Variants in RAB31 observed in about 807,000 individuals in gnomAD.
RAB31 encodes the protein RAB31, member RAS oncogene family.
A neutral mutation model predicts 25.6 loss-of-function variants in RAB31; 21 were observed. The ratio of observed to expected loss-of-function variants is 0.82; its 90% confidence interval spans 0.58 to 1.18. RAB31 has a LOEUF of 1.18. Ranked by LOEUF, RAB31 falls within the 50% of genes most tolerant of loss-of-function variation. The probability of loss-of-function intolerance (pLI) is 0.00; values close to 1 mark genes in which losing one functional copy is unlikely to be tolerated. For missense variants in RAB31, 196 were observed against 250.1 expected (o/e 0.78, Z 1.46); for synonymous variants, 87 against 84.0 (o/e 1.04, Z -0.20).
In RAB31 at chr18:9,833,725, C is replaced by G. The variant is rs76283553; in HGVS notation, c.381-11857C>G. 1.8e-3 allele frequency among the ~76,000 whole-genome samples: 278 copies of G among 152,310 alleles called. 2 individuals are homozygous for G. Among genetic ancestry groups the G allele is most frequent in the Non-Finnish European group, 3.1e-3 (212 of 68,024 alleles). ...TTTAGAAAAAGGGCCTCTCTTACCTCAACATCATTGTGTTCGTTATGGATA... is the reference window on the plus strand; with the variant it reads ...TTTAGAAAAAGGGCCTCTCTTACCTGAACATCATTGTGTTCGTTATGGATA... On this transcript the variant is annotated intron_variant, in intron 5 of 6. Transcript: ENST00000578921.
chr18:9,772,327 G>T (rs2068349424), intron 1 of RAB31, among the ~76,000 whole-genome samples: 1 of 152,156 alleles, frequency 6.6e-6, no homozygotes. Context: ...AACCAGGCGA[G>T]GTTTGTCACT....
At chr18:9,816,991 A>G (rs1278756825) in intron 5 of RAB31, among the ~76,000 whole-genome samples, 1 of 152,230 alleles carries the variant, frequency 6.6e-6, no homozygotes, top group Non-Finnish European at 1.5e-5. Context: ...GTTTGCATCA[A>G]CTTGCATCTG....
At chr18:9,767,622 T>C (rs139458579) in intron 1 of RAB31, among the ~76,000 whole-genome samples, 143 of 152,324 alleles carry the variant, frequency 9.4e-4, no homozygotes, top group African/African-American at 3.2e-3. Context: ...AATAAGATAA[T>C]GTGTCTTGAA....
chr18:9,741,376 CAAA>C (rs71169903), intron 1 of RAB31, among the ~76,000 whole-genome samples: 4,189 of 30,720 alleles, frequency 0.14, 78 homozygotes, highest in South Asian at 0.29. Flanking sequence ...AACTCCGTCT[CAAA>C]AAAAAAAAAA....
chr18:9,726,526 A>G (rs1348013375), intron 1 of RAB31, among the ~76,000 whole-genome samples: 1 of 151,998 alleles, frequency 6.6e-6, no homozygotes, highest in Non-Finnish European at 1.5e-5. Context: ...TATTCAAGAT[A>G]TTACCTTAGC....
At chr18:9,761,238 T>C (rs1433709496) in intron 1 of RAB31, among the ~76,000 whole-genome samples, 1 of 152,202 alleles carries the variant, frequency 6.6e-6, no homozygotes. Flanking sequence ...TCAGAATCAG[T>C]ACTCGCAGAG....
chr18:9,776,626 C>T (rs2068373423), intron 2 of RAB31, among the ~76,000 whole-genome samples: 1 of 152,202 alleles, frequency 6.6e-6, no homozygotes, highest in South Asian at 2.1e-4. Context: ...TAGCCTGACT[C>T]AGTTTCAGGG....
chr18:9,816,204 A>G, intron 5 of RAB31: 1 of 202,564 alleles, frequency 4.9e-6, no homozygotes, highest in Non-Finnish European at 1.1e-5. Context: ...CCCTCAGTGT[A>G]GTAACTTAAT....
chr18:9,850,332 C>T (rs2068782992), intron 6 of RAB31, among the ~76,000 whole-genome samples: 1 of 152,064 alleles, frequency 6.6e-6, no homozygotes, highest in African/African-American at 2.4e-5. Flanking sequence ...GCTGTATTGT[C>T]CAGGCTGGTC....
intron 1 of RAB31, among the ~76,000 whole-genome samples, chr18:9,741,516 T>C (rs2145472188): frequency 6.7e-6 from 1 of 150,142 alleles, no homozygotes; most frequent in African/African-American, 2.5e-5. Context: ...AGTTGCAGAG[T>C]CAGAGCTGAT....
intron 5 of RAB31, among the ~76,000 whole-genome samples, chr18:9,828,939 GT>G (rs2068663574): frequency 6.6e-6 from 1 of 152,158 alleles, no homozygotes. Flanking sequence ...AGATGTGCCT[GT>G]CCGTGTTCTG....
chr18:9,810,492 G>A (rs532061843), intron 3 of RAB31, among the ~76,000 whole-genome samples: 1 of 152,066 alleles, frequency 6.6e-6, no homozygotes, highest in Admixed American at 6.5e-5. Flanking sequence ...ATGCATTATT[G>A]GGTTTTGGAA....
chr18:9,754,372 T>C (rs1295861432), intron 1 of RAB31, among the ~76,000 whole-genome samples: 2 of 152,142 alleles, frequency 1.3e-5, no homozygotes, highest in Non-Finnish European at 2.9e-5. Context: ...CTCTGCTTCC[T>C]GGGTTCAAGA....
intron 3 of RAB31, among the ~76,000 whole-genome samples, chr18:9,805,923 C>T (rs1029002771): frequency 7.2e-5 from 11 of 151,848 alleles, no homozygotes; most frequent in Admixed American, 2.0e-4. Context: ...GCCTGTAATC[C>T]CAGCACTTTG....
At chr18:9,782,852 A>T (rs553967864) in intron 2 of RAB31, among the ~76,000 whole-genome samples, 1 of 152,102 alleles carries the variant, frequency 6.6e-6, no homozygotes, top group Non-Finnish European at 1.5e-5. Flanking sequence ...GTGAGCCACC[A>T]CACCTGGCTG....
chr18:9,777,743 T>C (rs1166484194), intron 2 of RAB31, among the ~76,000 whole-genome samples: 1 of 149,074 alleles, frequency 6.7e-6, no homozygotes, highest in Non-Finnish European at 1.5e-5. Context: ...ATAAAATCTT[T>C]TTGTAATGAC....
At chr18:9,754,231 G>C (rs569754447) in intron 1 of RAB31, among the ~76,000 whole-genome samples, 1 of 152,124 alleles carries the variant, frequency 6.6e-6, no homozygotes, top group Non-Finnish European at 1.5e-5. Context: ...AACAACTTTG[G>C]ATTTCAAATA....
chr18:9,787,587 G>A (rs944901853), intron 2 of RAB31: 1 of 174,788 alleles, frequency 5.7e-6, no homozygotes, highest in African/African-American at 2.4e-5. Context: ...CCATACTGGA[G>A]AGAAGCCTTC....
chr18:9,745,261 G>C (rs1321745397), intron 1 of RAB31, among the ~76,000 whole-genome samples: 1 of 152,118 alleles, frequency 6.6e-6, no homozygotes, highest in Non-Finnish European at 1.5e-5. Flanking sequence ...AGAAGAAACA[G>C]AAAGTCTGAA....
Sources: allele counts gnomAD v4.1 joint callset (sites outside exome capture counted in the v4.1 genomes callset), GRCh38; gene constraint gnomAD v4.1.1; transcripts MANE v1.5; gene names NCBI Gene and HGNC (gene_info 2026-07-23, HGNC 2026-07-21).